MNS1: variants seen among roughly 807,000 people sequenced by gnomAD.
MNS1 encodes the protein meiosis specific nuclear structural 1, also known as meiosis-specific nuclear structural protein 1.
A neutral mutation model predicts 72.0 loss-of-function variants in MNS1; 63 were observed. That is an observed-to-expected ratio of 0.87 (90% confidence interval 0.71 to 1.08). The LOEUF is 1.08. Among genes scored for constraint, MNS1 ranks in the 50% least tolerant of loss-of-function variants. MNS1 has a pLI of 0.00. For missense variants in MNS1, 604 were observed against 562.4 expected, an observed-to-expected ratio of 1.07 and a Z score of -0.75; for synonymous variants, 188 against 172.1, an observed-to-expected ratio of 1.09 and a Z score of -0.72.
chr15:56,460,829 C>CA lies in MNS1; in HGVS notation c.225+3196dup, dbSNP rs149368386. 2.0e-3 allele frequency among the ~76,000 whole-genome samples: 306 copies of CA among 152,072 alleles called. 7 individuals are homozygous for CA. In the East Asian group the frequency reaches 0.047, roughly 23 times the overall value. On this transcript the variant is annotated intron_variant, in intron 2 of 9. Coordinates refer to ENST00000260453, the MANE Select transcript of MNS1 (RefSeq NM_018365.4). Reference sequence around the variant, plus strand: ...ACAATGGCTGATTCCAGGTGTAGGACAAAAAATATAAGAGAGAAATTTTGT... The same window carrying CA: ...ACAATGGCTGATTCCAGGTGTAGGACAAAAAAATATAAGAGAGAAATTTTGT...
chr15:56,458,209 T>C (rs1310743443), intron 2 of MNS1, among the ~76,000 whole-genome samples: 3 of 152,234 alleles, frequency 2.0e-5, no homozygotes, highest in Admixed American at 2.0e-4. Context: ...AAAATTCACC[T>C]TTTACAATTC....
intron 7 of MNS1, among the ~76,000 whole-genome samples, chr15:56,436,408 T>C (rs909640832): frequency 6.6e-6 from 1 of 152,142 alleles, no homozygotes; most frequent in Middle Eastern, 3.4e-3. Context: ...TTGAAACCAA[T>C]GAGAACAAAG....
chr15:56,437,901 C>T (rs2050755596), intron 7 of MNS1, among the ~76,000 whole-genome samples: 1 of 152,090 alleles, frequency 6.6e-6, no homozygotes, highest in South Asian at 2.1e-4. Flanking sequence ...AGGAATCCAA[C>T]TTACAAGGGA....
chr15:56,432,486 C>G (rs2140322707), intron 8 of MNS1, among the ~76,000 whole-genome samples: 1 of 152,266 alleles, frequency 6.6e-6, no homozygotes, highest in Non-Finnish European at 1.5e-5. Context: ...TAATGAGTTT[C>G]ATCACGAAGA....
At chr15:56,448,040 A>C (rs562321700) in intron 3 of MNS1, among the ~76,000 whole-genome samples, 1 of 152,202 alleles carries the variant, frequency 6.6e-6, no homozygotes, top group African/African-American at 2.4e-5. Flanking sequence ...TTGCTTATCT[A>C]TTCACATGCT....
chr15:56,429,212 G>T lies in MNS1; in HGVS notation c.1396-19C>A, dbSNP rs547066233. Reference sequence around the variant, plus strand: ...ATACTCCCTACGAGAAAAATACTTTGTGGGTTACTTTTGAATACCAGAATA... The same window carrying T: ...ATACTCCCTACGAGAAAAATACTTTTTGGGTTACTTTTGAATACCAGAATA... On this transcript the variant is annotated intron_variant, in intron 9 of 9. Coordinates refer to ENST00000260453, the MANE Select transcript of MNS1 (RefSeq NM_018365.4). The T allele has an allele frequency of 4.7e-4, 705 of 1,507,792 alleles. 6 individuals carry two copies. In the African/African-American group the frequency reaches 8.9e-3, roughly 19 times the overall value. The allele number at this position is 1,507,792 out of a possible 1,614,324, so 93.4% of individuals were successfully genotyped here. A position where few individuals can be genotyped will look rare whatever the true frequency, so the allele number is the denominator to read the frequency against.
At chr15:56,446,813 A>G (rs1393507932) in intron 4 of MNS1, 28 bp downstream of exon 4, 3 of 1,525,464 alleles carry the variant, frequency 2.0e-6, no homozygotes, top group South Asian at 1.2e-5. Flanking sequence ...AATGAAGCTA[A>G]AAACATAATG....
At chr15:56,433,605 A>ATAAC (rs1289713447) in intron 8 of MNS1, among the ~76,000 whole-genome samples, 6 of 152,068 alleles carry the variant, frequency 3.9e-5, no homozygotes, top group Non-Finnish European at 7.4e-5. Flanking sequence ...GATTATTATA[A>ATAAC]TAACTTACTT....
intron 7 of MNS1, among the ~76,000 whole-genome samples, chr15:56,435,334 A>G (rs1392076930): frequency 6.6e-6 from 1 of 152,030 alleles, no homozygotes; most frequent in Non-Finnish European, 1.5e-5. Flanking sequence ...GTAGAAATCA[A>G]TGGAATTAAA....
Position 56,434,273 on chromosome 15 carries a change from A to G in MNS1, c.1134T>C (p.Thr378=), listed in dbSNP as rs768973665. 7 of 1,613,950 alleles carry G rather than the reference A, an allele frequency of 4.3e-6. No homozygotes were observed. Among genetic ancestry groups the G allele is most frequent in the Non-Finnish European group, 5.9e-6 (7 of 1,179,928 alleles). ...CATCCTCAGCAAATTTAGCTAGCAT[A>G]GTTTTTCTAAAGTTCTCCTCTTCCT... ...AKEEEENFRK[T]MLAKFAEDDR... Residue 378 remains threonine, a synonymous_variant, in exon 8 of 10, where the codon ACT becomes ACC. Transcript: ENST00000260453.
chr15:56,464,575 T>TCCAC (rs1307280491), intron 1 of MNS1, among the ~76,000 whole-genome samples: 1 of 77,030 alleles, frequency 1.3e-5, no homozygotes, highest in African/African-American at 3.3e-5. Flanking sequence ...CTCCCCTCAT[T>TCCAC]CCACCCACCA....
chr15:56,429,282 G>GT, intron 9 of MNS1, 89 bp from the exon 10 acceptor site: 1 of 796,666 alleles, frequency 1.3e-6, no homozygotes, highest in Non-Finnish European at 2.0e-6. Flanking sequence ...GATTAGTAAA[G>GT]TTATCTCCAA....
In MNS1 at chr15:56,434,295, T is replaced by C. The variant is rs773712343; in HGVS notation, c.1112A>G (p.Glu371Gly). The C allele has an allele frequency of 1.2e-6, 2 of 1,613,810 alleles. No homozygotes were observed. The highest frequency in any genetic ancestry group is 2.7e-5 in the African/African-American group (2 of 74,926). ...KELVLQAAKE[E>G]EENFRKTMLA... The stretch of plus-strand genomic sequence containing the variant: ...CATAGTTTTTCTAAAGTTCTCCTCT[T>C]CCTCTTTTGCAGCCTGTAGCACTAA... The change falls in exon 8 of 10, where the codon GAA (glutamate) becomes GGA (glycine). Residue 371 changes from glutamate (E) to glycine (G), a missense_variant. Coordinates refer to ENST00000260453, the MANE Select transcript of MNS1 (RefSeq NM_018365.4).
At chr15:56,457,106 CTT>C (rs1285660403) in intron 2 of MNS1, among the ~76,000 whole-genome samples, 3 of 152,110 alleles carry the variant, frequency 2.0e-5, no homozygotes, top group Non-Finnish European at 4.4e-5. Flanking sequence ...TCTTAAGTCT[CTT>C]ATATATTCTG....
chr15:56,434,111 CA>C (rs769882132), intron 8 of MNS1, 26 bp downstream of exon 8: 7 of 1,598,784 alleles, frequency 4.4e-6, no homozygotes, highest in African/African-American at 4.1e-5. Context: ...TGATAATGAC[CA>C]AAAAAACCCC....
intron 7 of MNS1, 125 bp downstream of exon 7, chr15:56,443,305 G>GTA (rs1567150888): frequency 3.1e-6 from 2 of 655,112 alleles, no homozygotes; most frequent in African/African-American, 1.9e-5. Context: ...TTTAACTGTA[G>GTA]TATACCATTT....
At chr15:56,455,885 C>G (rs1345486542) in intron 3 of MNS1, among the ~76,000 whole-genome samples, 3 of 152,004 alleles carry the variant, frequency 2.0e-5, no homozygotes, top group African/African-American at 7.2e-5. Flanking sequence ...ACATTTAGTG[C>G]GTTCATATAT....
intron 9 of MNS1, chr15:56,429,403 A>ATTTATCAGCTCTAG (rs2050494274): frequency 2.3e-6 from 1 of 425,858 alleles, no homozygotes; most frequent in African/African-American, 2.1e-5. Context: ...CAATTTTCTG[A>ATTTATCAGCTCTAG]TTTATCAGCT....
chr15:56,440,426 C>T (rs2050798288), intron 7 of MNS1, among the ~76,000 whole-genome samples: 1 of 152,186 alleles, frequency 6.6e-6, no homozygotes. Flanking sequence ...ACACAGCTAA[C>T]ATGCAGTTAC....
Sources: allele counts gnomAD v4.1 joint callset (sites outside exome capture counted in the v4.1 genomes callset), GRCh38; gene constraint gnomAD v4.1.1; transcripts MANE v1.5; gene names NCBI Gene and HGNC (gene_info 2026-07-23, HGNC 2026-07-21).